Variants in MSRA observed in about 807,000 individuals in gnomAD.
MSRA encodes mitochondrial peptide methionine sulfoxide reductase.
In MSRA, 54 loss-of-function variants were observed where a neutral mutation model predicts 31.3. The ratio of observed to expected loss-of-function variants is 1.73; its 90% CI spans 1.39 to 2.17. The LOEUF is 2.17. Among genes scored for constraint, MSRA ranks in the 30% most tolerant of loss-of-function variants. The pLI is 0.00. For missense variants in MSRA, 507 were observed against 300.9 expected (o/e 1.69, Z -5.07); for synonymous variants, 169 against 116.5 (o/e 1.45, Z -2.90).
At chr8:10,220,483 C>T (rs1810392986) in intron 2 of MSRA, among the ~76,000 whole-genome samples, 2 of 152,198 alleles carry the variant, frequency 1.3e-5, no homozygotes, top group Admixed American at 6.5e-5. Flanking sequence ...TGTGGCCTTC[C>T]AGAACCAAGC....
At chr8:10,372,081 A>G (rs984503583) in intron 5 of MSRA, among the ~76,000 whole-genome samples, 1 of 152,180 alleles carries the variant, frequency 6.6e-6, no homozygotes, top group Non-Finnish European at 1.5e-5. Flanking sequence ...CCTCATGACA[A>G]TTGAGTCTGG....
intron 1 of MSRA, among the ~76,000 whole-genome samples, chr8:10,087,324 A>T (rs1039304478): frequency 3.6e-5 from 5 of 138,200 alleles, no homozygotes; most frequent in African/African-American, 1.7e-4. Context: ...CAGCTCATGC[A>T]TGGCTTGTGT....
intron 4 of MSRA, among the ~76,000 whole-genome samples, chr8:10,304,151 G>A (rs1355984549): frequency 6.6e-6 from 1 of 152,150 alleles, no homozygotes; most frequent in Non-Finnish European, 1.5e-5. Context: ...TGGCCAGGCT[G>A]GTCTTGAACT....
At chr8:10,406,542 A>C (rs1585705540) in intron 5 of MSRA, among the ~76,000 whole-genome samples, 1 of 152,274 alleles carries the variant, frequency 6.6e-6, no homozygotes, top group East Asian at 1.9e-4. Flanking sequence ...GGTTACATCC[A>C]GGGTGTTGGT....
chr8:10,181,615 A>G (rs1806546328), intron 1 of MSRA, among the ~76,000 whole-genome samples: 3 of 152,162 alleles, frequency 2.0e-5, no homozygotes, highest in Admixed American at 1.3e-4. Flanking sequence ...TAAGGCAATT[A>G]CTGAGGAGAA....
intron 5 of MSRA, among the ~76,000 whole-genome samples, chr8:10,393,057 G>T (rs561323895): frequency 6.8e-4 from 54 of 79,598 alleles, no homozygotes; most frequent in African/African-American, 2.8e-3. Flanking sequence ...GCGAGACTCC[G>T]TCTCAAAAAA....
chr8:10,167,987 C>G (rs1356523306), intron 1 of MSRA, among the ~76,000 whole-genome samples: 6 of 152,146 alleles, frequency 3.9e-5, no homozygotes, highest in South Asian at 2.1e-4. Flanking sequence ...TTGGGCATGG[C>G]ACTTCTTGAC....
At chr8:10,153,683 C>T (rs889836465) in intron 1 of MSRA, among the ~76,000 whole-genome samples, 1 of 152,132 alleles carries the variant, frequency 6.6e-6, no homozygotes, top group Admixed American at 6.5e-5. Context: ...CTGAGAAACC[C>T]ATGAAGTACG....
In MSRA at chr8:10,072,515, C is replaced by T. The variant is rs1311153359; in HGVS notation, c.142+17857C>T. Among the ~76,000 whole-genome samples the T allele has an allele frequency of 6.6e-5, 10 of 152,236 alleles. No homozygotes were observed. In the East Asian group the frequency reaches 9.7e-4, roughly 15 times the overall value. On this transcript the variant is annotated intron_variant, in intron 1 of 5. Transcript: ENST00000317173. ...GCTGTCTTGGTTATGATGGTTATAT[C>T]GCAGGCCTTAATATTAGAGTCATCC...
At chr8:10,062,592 C>G (rs1472306982) in intron 1 of MSRA, among the ~76,000 whole-genome samples, 1 of 152,146 alleles carries the variant, frequency 6.6e-6, no homozygotes, top group African/African-American at 2.4e-5. Context: ...ATCATGCCAA[C>G]AGACACACGC....
At chr8:10,070,358 T>C (rs1797668194) in intron 1 of MSRA, among the ~76,000 whole-genome samples, 1 of 152,238 alleles carries the variant, frequency 6.6e-6, no homozygotes, top group Non-Finnish European at 1.5e-5. Flanking sequence ...AGCACCTTTC[T>C]GTAAACCAGG....
chr8:10,193,976 A>T (rs1807752218), intron 1 of MSRA, among the ~76,000 whole-genome samples: 1 of 152,214 alleles, frequency 6.6e-6, no homozygotes, highest in Non-Finnish European at 1.5e-5. Flanking sequence ...CAGCTTTTAG[A>T]ATTCAGAATG....
chr8:10,129,475 A>T (rs763494996), intron 1 of MSRA, among the ~76,000 whole-genome samples: 8 of 152,056 alleles, frequency 5.3e-5, no homozygotes, highest in Non-Finnish European at 1.0e-4. Context: ...TCCTTGATTC[A>T]CCCTTGAGCA....
chr8:10,086,515 T>G (rs951155063), intron 1 of MSRA, among the ~76,000 whole-genome samples: 3 of 152,172 alleles, frequency 2.0e-5, no homozygotes, highest in Non-Finnish European at 4.4e-5. Flanking sequence ...ACCCTATATA[T>G]GAATCTGATG....
chr8:10,186,731 G>C lies in MSRA; in HGVS notation c.143-21102G>C, dbSNP rs1169390259. On this transcript the variant is annotated intron_variant, in intron 1 of 5. Coordinates refer to ENST00000317173, the MANE Select transcript of MSRA (RefSeq NM_012331.5). ...TTTGGGGTAGTAGTGGCTGTGATGG[G>C]TGGGGCGGGGAGAGGTCACACCAAG... 2.6e-5 allele frequency among the ~76,000 whole-genome samples: 4 copies of C among 152,210 alleles called. No homozygotes were observed. In the East Asian group the frequency reaches 7.7e-4, roughly 29 times the overall value.
intron 4 of MSRA, among the ~76,000 whole-genome samples, chr8:10,308,984 C>G (rs1355492842): frequency 4.6e-5 from 7 of 152,206 alleles, no homozygotes; most frequent in Non-Finnish European, 1.0e-4. Flanking sequence ...CTTCCTTGCT[C>G]CAGGATCGAG....
intron 5 of MSRA, among the ~76,000 whole-genome samples, chr8:10,382,049 A>T (rs889337048): frequency 6.6e-6 from 1 of 152,250 alleles, no homozygotes; most frequent in Non-Finnish European, 1.5e-5. Context: ...TCTCCTGCCC[A>T]GTACAGGTGA....
chr8:10,127,343 A>G (rs1037189023), intron 1 of MSRA, among the ~76,000 whole-genome samples: 1 of 152,216 alleles, frequency 6.6e-6, no homozygotes, highest in South Asian at 2.1e-4. Context: ...ACTATGTTCA[A>G]TTTTGTTTCT....
chr8:10,410,484 C>G (rs192681655), intron 5 of MSRA, among the ~76,000 whole-genome samples: 10 of 152,336 alleles, frequency 6.6e-5, no homozygotes, highest in Middle Eastern at 6.8e-3. Flanking sequence ...TAGAGCAGTG[C>G]TCCTGAAATA....
Sources: gnomAD v4.1 joint callset for allele counts (sites outside exome capture counted in the v4.1 genomes callset) on GRCh38, gnomAD v4.1.1 for gene constraint, MANE v1.5 for transcripts, NCBI Gene and HGNC (gene_info 2026-07-23, HGNC 2026-07-21) for gene names.